CNTN5: variants seen among roughly 807,000 people sequenced by gnomAD.
The protein encoded by CNTN5 is contactin-5.
A neutral mutation model predicts 129.1 loss-of-function variants in CNTN5; 77 were observed. The ratio of observed to expected loss-of-function variants is 0.60; its 90% CI spans 0.50 to 0.72. The LOEUF (loss-of-function observed/expected upper bound fraction) is 0.72. CNTN5 is among the 30% of genes least tolerant of loss of function. CNTN5 has a pLI of 0.00. For synonymous variants in CNTN5, 509 were observed against 465.6 expected, an observed-to-expected ratio of 1.09 and a Z score of -1.20; for missense variants, 1,478 against 1,328.8, an observed-to-expected ratio of 1.11 and a Z score of -1.75.
At chr11:100,313,638 A>G (rs1199569762) in intron 21 of CNTN5, among the ~76,000 whole-genome samples, 1 of 151,988 alleles carries the variant, frequency 6.6e-6, no homozygotes, top group East Asian at 1.9e-4. Flanking sequence ...AGAGATGGCC[A>G]TTATAGAAGT....
intron 2 of CNTN5, among the ~76,000 whole-genome samples, chr11:99,343,982 A>C (rs1455499062): frequency 6.6e-6 from 1 of 152,236 alleles, no homozygotes; most frequent in African/African-American, 2.4e-5. Flanking sequence ...AAACCTAAAA[A>C]ATACAATGTG....
At chr11:100,030,168 C>A (rs79713025) in intron 9 of CNTN5, among the ~76,000 whole-genome samples, 1 of 151,270 alleles carries the variant, frequency 6.6e-6, no homozygotes, top group East Asian at 2.0e-4. Flanking sequence ...TGAGGCCTGG[C>A]GTTCAAGACC....
chr11:99,226,937 A>C, intron 1 of CNTN5, among the ~76,000 whole-genome samples: 1 of 152,242 alleles, frequency 6.6e-6, no homozygotes, highest in East Asian at 1.9e-4. Flanking sequence ...ATGTTAAAAT[A>C]TCTACGTATA....
chr11:99,349,754 G>A (rs558152237), intron 2 of CNTN5, among the ~76,000 whole-genome samples: 101 of 152,176 alleles, frequency 6.6e-4, no homozygotes, highest in Non-Finnish European at 1.1e-3. Flanking sequence ...ACAGGATATG[G>A]TGGCATGTAA....
intron 1 of CNTN5, among the ~76,000 whole-genome samples, chr11:99,028,859 A>T (rs12272147): frequency 6.6e-6 from 1 of 151,888 alleles, no homozygotes; most frequent in Non-Finnish European, 1.5e-5. Context: ...AAGCCAATGA[A>T]GCTTTGCTTA....
intron 1 of CNTN5, among the ~76,000 whole-genome samples, chr11:99,152,787 C>A (rs1860130179): frequency 1.3e-5 from 2 of 152,116 alleles, no homozygotes; most frequent in South Asian, 4.1e-4. Flanking sequence ...TGGTAATGGT[C>A]TTTTTTTCCA....
intron 3 of CNTN5, among the ~76,000 whole-genome samples, chr11:99,768,981 T>G (rs1944852941): frequency 1.3e-5 from 2 of 152,130 alleles, no homozygotes; most frequent in African/African-American, 4.8e-5. Context: ...ACATCATTCC[T>G]TCTATGTTTA....
chr11:99,379,162 G>A (rs1356371178), intron 2 of CNTN5, among the ~76,000 whole-genome samples: 2 of 128,214 alleles, frequency 1.6e-5, no homozygotes, highest in African/African-American at 5.9e-5. Context: ...ACTTTCCTAA[G>A]AGGAGATAAT....
At chr11:99,972,780 A>T (rs1937661879) in intron 8 of CNTN5, among the ~76,000 whole-genome samples, 1 of 152,120 alleles carries the variant, frequency 6.6e-6, no homozygotes, top group Admixed American at 6.5e-5. Flanking sequence ...CAGAGAGAGG[A>T]TTGGAAGAGG....
intron 1 of CNTN5, among the ~76,000 whole-genome samples, chr11:99,111,050 T>C (rs1022642798): frequency 6.6e-6 from 1 of 152,158 alleles, no homozygotes; most frequent in African/African-American, 2.4e-5. Context: ...TCATAGATAG[T>C]ATGAATGAAA....
intron 1 of CNTN5, among the ~76,000 whole-genome samples, chr11:99,042,362 C>CTTTT (rs1442841983): frequency 2.5e-5 from 3 of 120,784 alleles, no homozygotes; most frequent in East Asian, 5.5e-4. Context: ...CCTTCTTCTT[C>CTTTT]TTCTTTTTTT....
intron 9 of CNTN5, among the ~76,000 whole-genome samples, chr11:100,042,248 G>C (rs1370183528): frequency 5.4e-5 from 8 of 148,480 alleles, no homozygotes; most frequent in Admixed American, 1.3e-4. Context: ...TTGAGATACA[G>C]AATCATAAAA....
At position 99,422,858 on chromosome 11, in the gene CNTN5, ACTAATAAGTGCATCTT is replaced by A. The variant is rs540458427; in HGVS notation, c.-71+97379_-71+97394del. ...AGGGGTAAGTTTGAGATTTTTGCAG[ACTAATAAGTGCATCTT>A]CTAAACTTCCAATTTAAGACTTGCA... On this transcript the variant is annotated intron_variant, in intron 2 of 24. Coordinates refer to ENST00000524871, the MANE Select transcript of CNTN5 (RefSeq NM_014361.4). 1.4e-3 allele frequency among the ~76,000 whole-genome samples: 209 copies of A among 152,204 alleles called. 1 individual carries two copies. Among genetic ancestry groups the A allele is most frequent in the African/African-American group, 4.8e-3 (201 of 41,524 alleles).
intron 13 of CNTN5, among the ~76,000 whole-genome samples, chr11:100,136,218 A>ATACTT (rs1208679628): frequency 6.6e-6 from 1 of 151,408 alleles, no homozygotes; most frequent in Non-Finnish European, 1.5e-5. Flanking sequence ...GGAATTTGAA[A>ATACTT]TACTTTGTCC....
intron 4 of CNTN5, among the ~76,000 whole-genome samples, chr11:99,842,800 A>G (rs774428937): frequency 1.3e-5 from 2 of 152,070 alleles, no homozygotes; most frequent in Non-Finnish European, 2.9e-5. Context: ...AATTTTGACA[A>G]TTTTCTCTAG....
At chr11:99,069,346 A>G (rs1015769943) in intron 1 of CNTN5, among the ~76,000 whole-genome samples, 1 of 152,134 alleles carries the variant, frequency 6.6e-6, no homozygotes. Context: ...TGGAGGTCAG[A>G]AAAAAAGCAT....
chr11:99,198,289 C>T (rs1437095583), intron 1 of CNTN5, among the ~76,000 whole-genome samples: 1 of 152,064 alleles, frequency 6.6e-6, no homozygotes, highest in Non-Finnish European at 1.5e-5. Context: ...GGGAAGCAAC[C>T]TTGTTGGGTT....
chr11:99,940,551 C>T (rs1259414491), intron 7 of CNTN5, among the ~76,000 whole-genome samples: 1 of 152,132 alleles, frequency 6.6e-6, no homozygotes, highest in Non-Finnish European at 1.5e-5. Context: ...ATTACAACGA[C>T]ATCAACATTA....
intron 3 of CNTN5, among the ~76,000 whole-genome samples, chr11:99,802,812 C>T (rs1485517017): frequency 7.2e-5 from 11 of 152,088 alleles, no homozygotes; most frequent in Non-Finnish European, 1.5e-4. Flanking sequence ...GGAAGCTGTT[C>T]CAGGTGAGTA....
Sources: gnomAD v4.1 joint callset for allele counts (sites outside exome capture counted in the v4.1 genomes callset) on GRCh38, gnomAD v4.1.1 for gene constraint, MANE v1.5 for transcripts, NCBI Gene and HGNC (gene_info 2026-07-23, HGNC 2026-07-21) for gene names.